GRIP1: variants seen among roughly 807,000 people sequenced by gnomAD.
GRIP1 encodes glutamate receptor-interacting protein 1.
Under a neutral mutation model 129.9 loss-of-function variants are expected in GRIP1, and 45 were observed. The observed-to-expected ratio is 0.35, with a 90% CI of 0.27 to 0.44. The LOEUF (loss-of-function observed/expected upper bound fraction) is 0.44, where lower values mean the gene tolerates loss of function less well. Ranked by LOEUF, GRIP1 falls within the 20% of genes least tolerant of loss-of-function variation. The pLI is 1.00. For missense variants in GRIP1, 1,196 were observed against 1,396.8 expected, an observed-to-expected ratio of 0.86 and a Z score of 2.29; for synonymous variants, 530 against 520.8, an observed-to-expected ratio of 1.02 and a Z score of -0.24.
chr12:66,574,540 G>A (rs922607784), intron 2 of GRIP1, among the ~76,000 whole-genome samples: 21 of 152,180 alleles, frequency 1.4e-4, no homozygotes, highest in African/African-American at 4.8e-4. Flanking sequence ...TGGCCTACAG[G>A]TCTACCTCAT....
At chr12:66,351,711 C>A (rs1442478841) in intron 24 of GRIP1, among the ~76,000 whole-genome samples, 1 of 151,962 alleles carries the variant, frequency 6.6e-6, no homozygotes, top group East Asian at 1.9e-4. Flanking sequence ...GGCCCCTAGT[C>A]CAGACTTGAG....
chr12:66,400,480 C>T (rs1389897846), intron 16 of GRIP1, among the ~76,000 whole-genome samples: 1 of 152,134 alleles, frequency 6.6e-6, no homozygotes, highest in African/African-American at 2.4e-5. Context: ...AATTACTTAG[C>T]TTGGCTTAAC....
At chr12:67,010,078 G>T (rs2135712091) in intron 1 of GRIP1, among the ~76,000 whole-genome samples, 1 of 152,144 alleles carries the variant, frequency 6.6e-6, no homozygotes, top group East Asian at 1.9e-4. Context: ...ATTTCTATAG[G>T]TATACCATGG....
intron 7 of GRIP1, among the ~76,000 whole-genome samples, chr12:66,496,658 G>T (rs142356150): frequency 6.0e-4 from 92 of 152,260 alleles, no homozygotes; most frequent in African/African-American, 2.1e-3. Context: ...TAGTGCTCCT[G>T]AATCACTAGA....
intron 1 of GRIP1, among the ~76,000 whole-genome samples, chr12:67,001,332 GAA>G (rs978781437): frequency 6.6e-6 from 1 of 152,094 alleles, no homozygotes; most frequent in African/African-American, 2.4e-5. Context: ...AAGAGTAAAA[GAA>G]AGAGGGGAAA....
intron 1 of GRIP1, among the ~76,000 whole-genome samples, chr12:66,816,946 A>G (rs926027506): frequency 1.2e-4 from 19 of 152,156 alleles, no homozygotes; most frequent in Admixed American, 1.1e-3. Flanking sequence ...TAACCTACTC[A>G]AGGCACTAGA....
At chr12:66,785,327 C>CATAT (rs1415065185) in intron 1 of GRIP1, among the ~76,000 whole-genome samples, 1 of 38,494 alleles carries the variant, frequency 2.6e-5, no homozygotes, top group African/African-American at 7.8e-5. Flanking sequence ...TACATACATA[C>CATAT]ATACATACAT....
At chr12:66,851,233 A>C (rs12312778) in intron 1 of GRIP1, among the ~76,000 whole-genome samples, 37,512 of 151,574 alleles carry the variant, frequency 0.25, 5,013 homozygotes, top group East Asian at 0.5. Context: ...CATCATCTGA[A>C]AGACGGCATC....
At chr12:66,835,844 T>C (rs918924856) in intron 1 of GRIP1, among the ~76,000 whole-genome samples, 5 of 152,098 alleles carry the variant, frequency 3.3e-5, no homozygotes, top group Admixed American at 6.5e-5. Flanking sequence ...TACCCAAACC[T>C]ACAGAATGGA....
chr12:66,679,274 G>T, upstream of GRIP1: 1 of 471,174 alleles, frequency 2.1e-6, no homozygotes, highest in Non-Finnish European at 3.4e-6. Flanking sequence ...TCTGTTTAAG[G>T]CAAAAGGCGA....
At chr12:66,434,829 C>G (rs2058252702) in intron 13 of GRIP1, among the ~76,000 whole-genome samples, 1 of 152,196 alleles carries the variant, frequency 6.6e-6, no homozygotes, top group Middle Eastern at 3.2e-3. Context: ...CACCAGCAGC[C>G]AGTCAGCAGA....
chr12:66,548,533 G>C (rs1258235421), intron 2 of GRIP1, among the ~76,000 whole-genome samples: 1 of 152,182 alleles, frequency 6.6e-6, no homozygotes, highest in Admixed American at 6.5e-5. Flanking sequence ...TGGATATGGA[G>C]GGACAGGTAC....
intron 1 of GRIP1, among the ~76,000 whole-genome samples, chr12:66,749,604 C>T (rs953022287): frequency 2.0e-5 from 3 of 152,130 alleles, no homozygotes; most frequent in African/African-American, 4.8e-5. Context: ...CTTCCTGTGG[C>T]GGTAATTTGG....
At chr12:66,804,934 C>A (rs749431063), upstream of GRIP1, among the ~76,000 whole-genome samples, 27 of 152,104 alleles carry the variant, frequency 1.8e-4, no homozygotes, top group Non-Finnish European at 3.2e-4. Flanking sequence ...TCAGCAGCTG[C>A]TTTCAAATGA....
chr12:66,618,490 G>A (rs773316422), intron 1 of GRIP1, among the ~76,000 whole-genome samples: 5 of 151,822 alleles, frequency 3.3e-5, no homozygotes, highest in African/African-American at 4.8e-5. Flanking sequence ...TGAATCATAA[G>A]GCTGTACTAG....
At chr12:67,046,732 A>G (rs1180814798) in intron 1 of GRIP1, among the ~76,000 whole-genome samples, 3 of 152,222 alleles carry the variant, frequency 2.0e-5, no homozygotes, top group Non-Finnish European at 4.4e-5. Context: ...AGCCAATTAC[A>G]CAAAATAAAT....
upstream of GRIP1, among the ~76,000 whole-genome samples, chr12:66,681,296 G>A (rs1390734672): frequency 6.6e-6 from 1 of 152,066 alleles, no homozygotes; most frequent in African/African-American, 2.4e-5. Context: ...GAGATTTCCT[G>A]GGGAGCCACT....
At chr12:66,509,682 C>T (rs2060638428) in intron 7 of GRIP1, among the ~76,000 whole-genome samples, 1 of 152,124 alleles carries the variant, frequency 6.6e-6, no homozygotes, top group Non-Finnish European at 1.5e-5. Flanking sequence ...TTATCCTCAG[C>T]AAACTAATGC....
At chr12:66,970,804 T>C (rs2042065011) in intron 1 of GRIP1, among the ~76,000 whole-genome samples, 1 of 152,178 alleles carries the variant, frequency 6.6e-6, no homozygotes, top group South Asian at 2.1e-4. Context: ...CCTCCTTCCT[T>C]AGTTGACACA....
Sources: allele counts gnomAD v4.1 joint callset (sites outside exome capture counted in the v4.1 genomes callset), GRCh38; gene constraint gnomAD v4.1.1; transcripts MANE v1.5; gene names NCBI Gene and HGNC (gene_info 2026-07-23, HGNC 2026-07-21).